Variants in PEX14 observed in about 807,000 individuals in gnomAD.
PEX14 encodes peroxisomal biogenesis factor 14, also known as peroxisomal membrane protein PEX14.
A neutral mutation model predicts 49.5 loss-of-function variants in PEX14; 15 were observed. The ratio of observed to expected loss-of-function variants is 0.30; its 90% CI spans 0.20 to 0.47. The LOEUF is 0.47. Among genes scored for constraint, PEX14 ranks in the 20% least tolerant of loss-of-function variants. The probability of loss-of-function intolerance (pLI) is 1.00; values close to 1 mark genes in which losing one functional copy is unlikely to be tolerated. For synonymous variants in PEX14, 210 were observed against 212.7 expected (o/e 0.99, Z 0.11); for missense variants, 398 against 494.8 (o/e 0.80, Z 1.86).
At chr1:10,556,484 C>T (rs1392716007) in intron 3 of PEX14, among the ~76,000 whole-genome samples, 3 of 152,074 alleles carry the variant, frequency 2.0e-5, no homozygotes, top group Non-Finnish European at 2.9e-5. Flanking sequence ...GCACTGGGGA[C>T]GCTGGCGACA....
intron 3 of PEX14, among the ~76,000 whole-genome samples, chr1:10,574,343 G>A (rs765265925): frequency 8.5e-5 from 13 of 152,360 alleles, no homozygotes; most frequent in South Asian, 4.1e-4. Flanking sequence ...GATCAGAGTT[G>A]TAGTGGCCCC....
intron 5 of PEX14, 35 bp from the exon 6 acceptor site, chr1:10,622,984 C>A: frequency 7.2e-7 from 1 of 1,388,170 alleles, no homozygotes; most frequent in Non-Finnish European, 1.0e-6. Context: ...ACCCCGGGTC[C>A]GTATGCATTC....
At chr1:10,554,730 T>A (rs564845783) in intron 3 of PEX14, among the ~76,000 whole-genome samples, 94 of 151,740 alleles carry the variant, frequency 6.2e-4, no homozygotes, top group Admixed American at 1.8e-3. Context: ...CTTTTTTTTT[T>A]AAAGACAGAG....
At chr1:10,615,923 C>T (rs1422904962) in intron 4 of PEX14, among the ~76,000 whole-genome samples, 2 of 152,182 alleles carry the variant, frequency 1.3e-5, no homozygotes, top group East Asian at 3.8e-4. Context: ...CCTTTTTTCA[C>T]AGACTGCCCT....
At chr1:10,500,696 T>A (rs1641662147) in intron 2 of PEX14, among the ~76,000 whole-genome samples, 1 of 152,148 alleles carries the variant, frequency 6.6e-6, no homozygotes, top group South Asian at 2.1e-4. Flanking sequence ...TGCCTTAGTC[T>A]CCTGAGTATC....
chr1:10,475,087 A>AC, intron 1 of PEX14, 85 bp downstream of exon 1: 1 of 1,338,426 alleles, frequency 7.5e-7, no homozygotes, highest in Non-Finnish European at 1.0e-6. Flanking sequence ...CCGGGTAGGG[A>AC]CCCCGAGTCT....
intron 1 of PEX14, among the ~76,000 whole-genome samples, chr1:10,488,738 C>T (rs939382395): frequency 4.1e-5 from 6 of 147,466 alleles, no homozygotes; most frequent in East Asian, 2.1e-4. Flanking sequence ...CTCCTGACCT[C>T]GTGATCCATC....
intron 7 of PEX14, among the ~76,000 whole-genome samples, chr1:10,625,564 A>C (rs1373813670): frequency 1.3e-5 from 2 of 152,182 alleles, no homozygotes; most frequent in Non-Finnish European, 2.9e-5. Context: ...CCACACACAG[A>C]GGTGCCACCT....
intron 1 of PEX14, among the ~76,000 whole-genome samples, chr1:10,493,651 C>T (rs1373900505): frequency 6.6e-6 from 1 of 152,148 alleles, no homozygotes; most frequent in Non-Finnish European, 1.5e-5. Flanking sequence ...TGGTTTCAAA[C>T]TCCTGGGCTC....
rs1324921364 is a variant in PEX14 at position 10,539,194 on chromosome 1, C to T, written c.169+2897C>T. On this transcript the variant is annotated intron_variant, in intron 3 of 8. Transcript: ENST00000356607. The surrounding 1 kb of genome is among the most constrained non-coding windows in gnomAD (Gnocchi z 4.6). ...TGCTCTGTGACTTCTGGTGGGGGTG[C>T]TGGGTGAGGGTGAGTAGGGAATGAG... Among the ~76,000 whole-genome samples the T allele has an allele frequency of 6.6e-6, 1 of 151,840 alleles. No individual in the cohort carries two copies. Among genetic ancestry groups the T allele is most frequent in the Non-Finnish European group, 1.5e-5 (1 of 68,006 alleles).
intron 3 of PEX14, among the ~76,000 whole-genome samples, chr1:10,575,030 T>C (rs1388224757): frequency 6.6e-6 from 1 of 150,784 alleles, no homozygotes; most frequent in Non-Finnish European, 1.5e-5. Context: ...GAGGGTAGCT[T>C]GAGCTGCACT....
chr1:10,590,957 G>A (rs1193008888), intron 3 of PEX14, among the ~76,000 whole-genome samples: 3 of 152,158 alleles, frequency 2.0e-5, no homozygotes, highest in Non-Finnish European at 4.4e-5. Flanking sequence ...CATTCAGCTG[G>A]GTGACTAAAG....
rs1462563008 is a variant in PEX14 at position 10,597,968 on chromosome 1, G to T, written c.170-1270G>T. ...AAGCATTAATGTGCACCATCTATTAGCCCCTAGGCATGGAGTATGAGGCAC... is the reference window on the plus strand; with the variant it reads ...AAGCATTAATGTGCACCATCTATTATCCCCTAGGCATGGAGTATGAGGCAC... On this transcript the variant is annotated intron_variant, in intron 3 of 8. Coordinates refer to ENST00000356607, the MANE Select transcript of PEX14 (RefSeq NM_004565.3). The surrounding 1 kb of genome is among the most constrained non-coding windows in gnomAD (Gnocchi z 5.7). Among the ~76,000 whole-genome samples the T allele has an allele frequency of 6.6e-6, 1 of 152,178 alleles. No individual in the cohort carries two copies. The highest frequency in any genetic ancestry group is 1.5e-5 in the Non-Finnish European group (1 of 68,034).
chr1:10,552,416 TG>T (rs1639362026), intron 3 of PEX14, among the ~76,000 whole-genome samples: 1 of 152,220 alleles, frequency 6.6e-6, no homozygotes, highest in African/African-American at 2.4e-5. Flanking sequence ...TACTCCAGCC[TG>T]GGCAACAGGG....
chr1:10,603,652 G>A (rs1641047461), intron 4 of PEX14, among the ~76,000 whole-genome samples: 1 of 152,158 alleles, frequency 6.6e-6, no homozygotes, highest in Non-Finnish European at 1.5e-5. Context: ...ATAGGTGCAG[G>A]CCTAGCCCAG....
chr1:10,605,097 G>A (rs531849002), intron 4 of PEX14, among the ~76,000 whole-genome samples: 77 of 152,140 alleles, frequency 5.1e-4, no homozygotes, highest in Middle Eastern at 6.8e-3. Context: ...CTATTAAACT[G>A]TGAGTTCTGA....
In PEX14 at chr1:10,629,596, C is replaced by T. The variant is rs553512429; in HGVS notation, c.743C>T (p.Pro248Leu). ...TCCTGGCAGATCCCAGTCAAGTCACCGTCACCCTCCAGCCCTGCGGCCGTG... is the reference window on the plus strand; with the variant it reads ...TCCTGGCAGATCCCAGTCAAGTCACTGTCACCCTCCAGCCCTGCGGCCGTG... ...IPSWQIPVKS[P>L]SPSSPAAVNH... is the part of the protein sequence containing the mutation. Residue 248 changes from proline to leucine, a missense_variant, in exon 9 of 9, where the codon CCG becomes CTG. Around this residue, in one of 3 missense-constraint regions of PEX14, gnomAD observed 202 missense variants for 298.5 expected, o/e 0.68. Coordinates refer to ENST00000356607, the MANE Select transcript of PEX14 (RefSeq NM_004565.3). This position sits in a 1 kb window ranked among gnomAD's most constrained non-coding sequence, Gnocchi z 8.5. The T allele has an allele frequency of 3.2e-5, 52 of 1,614,028 alleles. No individual in the cohort carries two copies. Among genetic ancestry groups the T allele is most frequent in the East Asian group, 4.5e-5 (2 of 44,874 alleles).
At chr1:10,534,199 A>T (rs1235521092) in intron 2 of PEX14, among the ~76,000 whole-genome samples, 1 of 152,194 alleles carries the variant, frequency 6.6e-6, no homozygotes, top group Non-Finnish European at 1.5e-5. Flanking sequence ...CGAGTAGTGT[A>T]ATTTTCTTGT....
intron 3 of PEX14, among the ~76,000 whole-genome samples, chr1:10,537,341 A>AC (rs34410254): frequency 0.041 from 1,167 of 28,432 alleles, 247 homozygotes; most frequent in African/African-American, 0.11. Context: ...TTGTGCCAGC[A>AC]CCCCCCCCCC....
Sources: allele counts gnomAD v4.1 joint callset (sites outside exome capture counted in the v4.1 genomes callset), GRCh38; gene constraint gnomAD v4.1.1; regional missense constraint gnomAD v4.1.1; non-coding constraint Gnocchi (gnomAD v3.1); transcripts MANE v1.5; gene names NCBI Gene and HGNC (gene_info 2026-07-23, HGNC 2026-07-21).